Variants in RIN1 observed in about 807,000 individuals in gnomAD.
RIN1 encodes Ras and Rab interactor 1.
A neutral mutation model predicts 64.9 loss-of-function variants in RIN1; 52 were observed. The ratio of observed to expected loss-of-function variants is 0.80; its 90% confidence interval spans 0.64 to 1.01. The LOEUF (loss-of-function observed/expected upper bound fraction) is 1.01. RIN1 is among the 50% of genes least tolerant of loss of function. The pLI, the probability that RIN1 is intolerant of heterozygous loss-of-function variation, is 0.00. For missense variants in RIN1, 1,040 were observed against 1,064.5 expected (o/e 0.98, Z 0.32); for synonymous variants, 486 against 483.6 (o/e 1.00, Z -0.06).
intron 6 of RIN1, 27 bp from the exon 7 acceptor site, chr11:66,334,251 G>T: frequency 7.0e-7 from 1 of 1,426,100 alleles, no homozygotes; most frequent in Non-Finnish European, 9.2e-7. Flanking sequence ...GAGGGGTCAG[G>T]GGAAGACTGG....
chr11:66,334,753 G>T lies in RIN1; in HGVS notation c.1046C>A (p.Ser349Tyr). ...HLGRRRPLLR[S>Y]MSAAFCSLLA... ...TAGGGAGCAGAAGGCGGCGCTCATG[G>T]ACCGAAGCAGAGGTCGTCGGCGGCC... is the stretch of plus-strand genomic sequence containing the variant. The change falls in exon 6 of 10, where the codon TCC (serine) becomes TAC (tyrosine). Residue 349 changes from serine to tyrosine, a missense_variant. Coordinates refer to ENST00000311320, the MANE Select transcript of RIN1 (RefSeq NM_004292.3). The T allele has an allele frequency of 6.5e-7, 1 of 1,549,580 alleles. No homozygotes were observed. The highest frequency in any genetic ancestry group is 8.7e-7 in the Non-Finnish European group (1 of 1,147,522).
chr11:66,335,003 G>C lies in RIN1; in HGVS notation c.796C>G (p.Pro266Ala). ...ACTGCCCCTGGCAGCACGGGGACGG[G>C]GGGAGGTGGCACGGCAGGTGGAGAC... is the stretch of plus-strand genomic sequence containing the variant. ...PLSPPAVPPP[P>A]VPVLPGAVPS... Residue 266 changes from proline to alanine, a missense_variant, in exon 6 of 10, where the codon CCC (proline) becomes GCC (alanine). Pro to Ala is a conservative substitution (Grantham distance 27). Transcript: ENST00000311320. 3.2e-6 allele frequency: 5 copies of C among 1,543,732 alleles called. No individual in the cohort carries two copies. The highest frequency in any genetic ancestry group is 4.4e-6 in the Non-Finnish European group (5 of 1,147,224).
chr11:66,335,106 C>T lies in RIN1; in HGVS notation c.693G>A (p.Gly231=). The stretch of plus-strand genomic sequence containing the variant: ...TCTCCCGCTTGGTGGGCCCTAGGTC[C>T]CCCGGGAACAGGGGGTTGAAGAAGC... ...ALCFFNPLFP[G]DLGPTKREKF... The change falls in exon 6 of 10, where the codon GGG becomes GGA. Residue 231 remains glycine, a synonymous_variant. Transcript: ENST00000311320. The T allele has an allele frequency of 6.5e-7, 1 of 1,533,126 alleles. No individual in the cohort carries two copies. Among genetic ancestry groups the T allele is most frequent in the Non-Finnish European group, 8.8e-7 (1 of 1,142,802 alleles). 95.0% of individuals were successfully genotyped at this position (1,533,126 alleles called of 1,614,324 possible).
intron 5 of RIN1, 25 bp from the exon 6 acceptor site, chr11:66,335,276 G>C: frequency 6.4e-7 from 1 of 1,563,872 alleles, no homozygotes; most frequent in Non-Finnish European, 8.6e-7. Context: ...ACCGACTGGG[G>C]CCTCCGGGAC....
In RIN1 at chr11:66,334,871, A is replaced by C; in HGVS notation, c.928T>G (p.Ser310Ala). ...GAGCCGCAGTCCACCTCTTGGAGGG[A>C]GGGCATAGGCGGAAGGCTAGGGCCA... The part of the protein sequence containing the change: ...GSGPSLPPMP[S>A]LQEVDCGSPS... The change falls in exon 6 of 10, where the codon TCC becomes GCC. Residue 310 changes from serine to alanine, a missense_variant. Ser to Ala is a moderately conservative substitution (Grantham distance 99). Coordinates refer to ENST00000311320, the MANE Select transcript of RIN1 (RefSeq NM_004292.3). 1 of 1,565,206 alleles carries C rather than the reference A, an allele frequency of 6.4e-7. No homozygotes were observed.
Position 66,336,300 on chromosome 11 carries a change from C to A in RIN1, c.86+17G>T. The stretch of plus-strand genomic sequence containing the variant: ...CCCCTCCCTGCCCCACCTGGCTGCC[C>A]TGCCAACTTCACTAACTTTTCTCTC... On this transcript the variant is annotated intron_variant, in intron 1 of 9. Coordinates refer to ENST00000311320, the MANE Select transcript of RIN1 (RefSeq NM_004292.3). 1 of 1,602,756 alleles carries A rather than the reference C, an allele frequency of 6.2e-7. No individual in the cohort carries two copies. The highest frequency in any genetic ancestry group is 8.5e-7 in the Non-Finnish European group (1 of 1,174,458).
At position 66,333,370 on chromosome 11, in the gene RIN1, A is replaced by C. The variant is rs768151838; in HGVS notation, c.1763T>G (p.Leu588Arg). 1.2e-6 allele frequency: 2 copies of C among 1,611,962 alleles called. No homozygotes were observed. Among genetic ancestry groups the C allele is most frequent in the Non-Finnish European group, 1.7e-6 (2 of 1,178,980 alleles). ...GTGGGCCTGACCCAGGCCACTCAGCAGGGCCAGGCTGGCAGAGAGGCTGGT... is the reference window on the plus strand; with the variant it reads ...GTGGGCCTGACCCAGGCCACTCAGCCGGGCCAGGCTGGCAGAGAGGCTGGT... Reference protein sequence around the residue: ...YLTSLSASLALLSGLGQAHTL... With the variant: ...YLTSLSASLARLSGLGQAHTL... The change falls in exon 9 of 10, where the codon CTG becomes CGG. Residue 588 changes from leucine (L) to arginine (R), a missense_variant. By Grantham distance (102) the Leu-to-Arg change is moderately radical. Transcript: ENST00000311320.
Position 66,335,001 on chromosome 11 carries a change from G to C in RIN1, c.798C>G (p.Pro266=). 1.3e-6 allele frequency: 2 copies of C among 1,542,152 alleles called. No individual in the cohort carries two copies. The highest frequency in any genetic ancestry group is 1.7e-6 in the Non-Finnish European group (2 of 1,146,488). The change falls in exon 6 of 10, where the codon CCC becomes CCG. Residue 266 remains proline (P), a synonymous_variant. Coordinates refer to ENST00000311320, the MANE Select transcript of RIN1 (RefSeq NM_004292.3). ...GGACTGCCCCTGGCAGCACGGGGAC[G>C]GGGGGAGGTGGCACGGCAGGTGGAG... The part of the protein sequence containing the change: ...PLSPPAVPPP[P]VPVLPGAVPS...
chr11:66,335,639 G>A lies in RIN1; in HGVS notation c.426C>T (p.Val142=), dbSNP rs763999667. 1 of 1,613,626 alleles carries A rather than the reference G, an allele frequency of 6.2e-7. No homozygotes were observed. The highest frequency in any genetic ancestry group is 1.1e-5 in the South Asian group (1 of 90,980). ...TGTGGCAGTAGGCACAGATGAGCTG[G>A]ACTAGGTCTGGGAACATGAGCTCCG... ...EGSELMFPDL[V]QLICAYCHTR... Residue 142 remains valine, a synonymous_variant, in exon 4 of 10, where the codon GTC becomes GTT. Coordinates refer to ENST00000311320, the MANE Select transcript of RIN1 (RefSeq NM_004292.3).
chr11:66,335,021 G>T lies in RIN1; in HGVS notation c.778C>A (p.Pro260Thr). 2 of 1,538,008 alleles carry T rather than the reference G, an allele frequency of 1.3e-6. No individual in the cohort carries two copies. The highest frequency in any genetic ancestry group is 1.4e-5 in the African/African-American group (1 of 72,426). The part of the protein sequence containing the change: ...STETSSPLSP[P>T]AVPPPPVPVL... ...GGGACGGGGGGAGGTGGCACGGCAG[G>T]TGGAGACAGGGGGCTGGAGGTCTCT... The change falls in exon 6 of 10, where the codon CCT (proline) becomes ACT (threonine). Residue 260 changes from proline (P) to threonine (T), a missense_variant. Pro to Thr is a conservative substitution (Grantham distance 38). Coordinates refer to ENST00000311320, the MANE Select transcript of RIN1 (RefSeq NM_004292.3).
At position 66,334,994 on chromosome 11, in the gene RIN1, C is replaced by CG. The variant is rs1565201570; in HGVS notation, c.804dup (p.Val269ArgfsTer36). The CG allele has an allele frequency of 1.9e-6, 3 of 1,548,870 alleles. No individual in the cohort carries two copies. Among genetic ancestry groups the CG allele is most frequent in the African/African-American group, 1.4e-5 (1 of 73,022 alleles). ...TGGCTGGGGACTGCCCCTGGCAGCA[C>CG]GGGGACGGGGGGAGGTGGCACGGCA... On this transcript the variant is annotated frameshift_variant, in exon 6 of 10. Coordinates refer to ENST00000311320, the MANE Select transcript of RIN1 (RefSeq NM_004292.3). LOFTEE classifies it high-confidence loss of function.
chr11:66,335,710 C>T (rs202240189), intron 3 of RIN1, 28 bp from the exon 4 acceptor site: 9 of 1,612,560 alleles, frequency 5.6e-6, no homozygotes, highest in Non-Finnish European at 7.6e-6. Flanking sequence ...TGAGGTGCTT[C>T]TCTGGGGAAC....
chr11:66,335,119 G>C lies in RIN1; in HGVS notation c.680C>G (p.Pro227Arg). 1 of 1,538,026 alleles carries C rather than the reference G, an allele frequency of 6.5e-7. No individual in the cohort carries two copies. The highest frequency in any genetic ancestry group is 8.7e-7 in the Non-Finnish European group (1 of 1,145,668). ...GGGCCCTAGGTCCCCCGGGAACAGG[G>C]GGTTGAAGAAGCACAAGGCGGCTCC... is the stretch of plus-strand genomic sequence containing the variant. ...GTGAALCFFN[P>R]LFPGDLGPTK... Residue 227 changes from proline to arginine, a missense_variant, in exon 6 of 10, where the codon CCC (proline) becomes CGC (arginine). Coordinates refer to ENST00000311320, the MANE Select transcript of RIN1 (RefSeq NM_004292.3).
rs752250153 is a variant in RIN1, at chr11:66,335,998, G to T, written c.247C>A (p.Leu83Met). Residue 83 changes from leucine to methionine, a missense_variant, in exon 2 of 10, where the codon CTG becomes ATG. By Grantham distance (15) the Leu-to-Met change is conservative. Coordinates refer to ENST00000311320, the MANE Select transcript of RIN1 (RefSeq NM_004292.3). The stretch of plus-strand genomic sequence containing the variant: ...CTCACCCCCGGGGGCTCGGTCCTCA[G>T]CATGTGCAGTGCGGCCGCTGCGTTG... ...QANAAAALHM[L>M]RTEPPGTFLV... 1.9e-5 allele frequency: 28 copies of T among 1,475,128 alleles called. No individual in the cohort carries two copies. Among genetic ancestry groups the T allele is most frequent in the Non-Finnish European group, 2.4e-5 (27 of 1,112,626 alleles). 91.4% of individuals were successfully genotyped at this position (1,475,128 alleles called of 1,614,324 possible). A position where few individuals can be genotyped will look rare whatever the true frequency, so the allele number is the denominator to read the frequency against.
Position 66,332,278 on chromosome 11 carries a change from ACTCCT to A in RIN1, c.2345_2349del (p.Glu782ValfsTer3). ...ATGACCCTTCTGGCCACTTCAAGCTACTCCTCTGCTGCCCGGCTTCCCTCTGCCTC... is the reference window on the plus strand; with the variant it reads ...ATGACCCTTCTGGCCACTTCAAGCTACTGCTGCCCGGCTTCCCTCTGCCTC... On this transcript the variant is annotated frameshift_variant, in exon 10 of 10. Transcript: ENST00000311320. LOFTEE classifies it high-confidence loss of function. The A allele has an allele frequency of 1.2e-6, 2 of 1,613,372 alleles. No individual in the cohort carries two copies. The highest frequency in any genetic ancestry group is 1.7e-6 in the Non-Finnish European group (2 of 1,179,806).
In RIN1 at chr11:66,334,069, C is replaced by G. The variant is rs773103875; in HGVS notation, c.1441G>C (p.Gly481Arg). ...GGGGAGGGCAGGCTCAGGTGGGACC[C>G]GAAGGCTCCGGGGCCCTGGGCCCGG... ...LARAQGPGAFGSHLSLPSPVE... is the reference protein window; with the variant it reads ...LARAQGPGAFRSHLSLPSPVE... Residue 481 changes from glycine (G) to arginine (R), a missense_variant, in exon 7 of 10, where the codon GGG (glycine) becomes CGG (arginine). By Grantham distance (125) the Gly-to-Arg change is moderately radical. Coordinates refer to ENST00000311320, the MANE Select transcript of RIN1 (RefSeq NM_004292.3). 2 of 1,570,586 alleles carry G rather than the reference C, an allele frequency of 1.3e-6. No individual in the cohort carries two copies. The highest frequency in any genetic ancestry group is 1.7e-6 in the Non-Finnish European group (2 of 1,158,792).
chr11:66,333,089 AC>A, intron 9 of RIN1, 168 bp downstream of exon 9: 1 of 762,870 alleles, frequency 1.3e-6, no homozygotes, highest in Non-Finnish European at 2.1e-6. Flanking sequence ...TGATGAGAAA[AC>A]TGAGGCACGA....
rs1854765254 is a variant in RIN1, at chr11:66,332,621, G to A, written c.2007C>T (p.Asn669=). The change falls in exon 10 of 10, where the codon AAC becomes AAT. Residue 669 remains asparagine, a synonymous_variant. Coordinates refer to ENST00000311320, the MANE Select transcript of RIN1 (RefSeq NM_004292.3). The part of the protein sequence containing the change: ...CATKFRVTQP[N]TFGLFLYKEQ... ...CCTTGTACAGGAAGAGGCCAAAAGT[G>A]TTGGGCTGGGTCACTCGGAACTTGG... 3 of 1,603,290 alleles carry A rather than the reference G, an allele frequency of 1.9e-6. No homozygotes were observed. Among genetic ancestry groups the A allele is most frequent in the Non-Finnish European group, 1.7e-6 (2 of 1,173,548 alleles).
chr11:66,333,844 C>G, intron 7 of RIN1, 75 bp downstream of exon 7: 2 of 1,451,336 alleles, frequency 1.4e-6, no homozygotes, highest in South Asian at 2.9e-5. Context: ...TTCTAGGGTC[C>G]TGGGGACCTG....
Sources: gnomAD v4.1 joint callset for allele counts on GRCh38, gnomAD v4.1.1 for gene constraint, MANE v1.5 for transcripts, NCBI Gene and HGNC (gene_info 2026-07-23, HGNC 2026-07-21) for gene names.